Variants in CASK observed in about 807,000 individuals in gnomAD.
The protein encoded by CASK is peripheral plasma membrane protein CASK.
A neutral mutation model predicts 82.9 loss-of-function variants in CASK; 4 were observed. The observed-to-expected ratio is 0.05, with a 90% confidence interval of 0.02 to 0.11. The LOEUF (loss-of-function observed/expected upper bound fraction) is 0.11. Ranked by LOEUF, CASK falls within the 10% of genes least tolerant of loss-of-function variation. The probability of loss-of-function intolerance (pLI) is 1.00; values close to 1 mark genes in which losing one functional copy is unlikely to be tolerated. For synonymous variants in CASK, 259 were observed against 253.5 expected (o/e 1.02, Z -0.20); for missense variants, 358 against 720.9 (o/e 0.50, Z 5.76).
chrX:41,818,307 G>A (rs1050780030), intron 2 of CASK, among the ~76,000 whole-genome samples: 3 of 110,276 alleles, frequency 2.7e-5, no homozygotes, highest in Non-Finnish European at 3.8e-5. Context: ...ATTTCAAGAC[G>A]TATAAAACTA....
chrX:41,523,555 C>T (rs2064667499), intron 26 of CASK, among the ~76,000 whole-genome samples: 1 of 112,889 alleles, frequency 8.9e-6, no homozygotes, highest in Admixed American at 9.3e-5. Flanking sequence ...AGCCAAGTCT[C>T]ATGAGCACCA....
At chrX:41,744,374 C>T (rs1274380124) in intron 4 of CASK, among the ~76,000 whole-genome samples, 1 of 103,018 alleles carries the variant, frequency 9.7e-6, no homozygotes, top group African/African-American at 3.6e-5. Flanking sequence ...GAGACGGAGT[C>T]TCGCTCTGTC....
chrX:41,702,861 A>G (rs191038155), intron 5 of CASK, among the ~76,000 whole-genome samples: 1 of 112,514 alleles, frequency 8.9e-6, no homozygotes, highest in East Asian at 2.8e-4. Flanking sequence ...ACACATTTAT[A>G]TACTCTGGAA....
intron 11 of CASK, among the ~76,000 whole-genome samples, chrX:41,620,178 G>C (rs2066266069): frequency 8.9e-6 from 1 of 111,797 alleles, no homozygotes; most frequent in African/African-American, 3.2e-5. Context: ...AAAGATAAAA[G>C]CAGGGACATT....
intron 21 of CASK, among the ~76,000 whole-genome samples, chrX:41,543,378 C>G (rs764442204): frequency 1.8e-5 from 2 of 111,400 alleles, no homozygotes; most frequent in South Asian, 7.6e-4. Context: ...ACTTTTGGAG[C>G]CTTTTGGATG....
chrX:41,763,112 A>AT (rs1190677005), intron 3 of CASK, among the ~76,000 whole-genome samples: 2 of 110,855 alleles, frequency 1.8e-5, no homozygotes, highest in African/African-American at 3.3e-5. Context: ...ATTCATGTTT[A>AT]TTTTTTTTCT....
chrX:41,680,060 C>T lies in CASK; in HGVS notation c.430-8530G>A, dbSNP rs372225274. ...ACTAAAAATACAAAAATTAGCTGGG[C>T]GTGGCGGCACATGCCTGTAATTCCA... On this transcript the variant is annotated intron_variant, in intron 5 of 26. Coordinates refer to ENST00000378163, the MANE Select transcript of CASK (RefSeq NM_001367721.1). Among the ~76,000 whole-genome samples, 5 of 110,548 alleles carry T rather than the reference C, an allele frequency of 4.5e-5. No individual in the cohort carries two copies. In the East Asian group the frequency reaches 1.4e-3, roughly 31 times the overall value.
At chrX:41,905,107 G>A (rs951370208) in intron 1 of CASK, among the ~76,000 whole-genome samples, 2 of 111,945 alleles carry the variant, frequency 1.8e-5, no homozygotes, top group Non-Finnish European at 3.8e-5. Context: ...TCCATTGTGT[G>A]CAACTACCAC....
chrX:41,648,849 C>A (rs1203015809), intron 8 of CASK, among the ~76,000 whole-genome samples: 2 of 111,445 alleles, frequency 1.8e-5, no homozygotes, highest in African/African-American at 6.5e-5. Context: ...CCTCCTTGTA[C>A]CTCTGGTAGA....
chrX:41,783,923 C>T (rs771983901), intron 3 of CASK, among the ~76,000 whole-genome samples: 36 of 111,871 alleles, frequency 3.2e-4, no homozygotes, highest in Non-Finnish European at 6.6e-4. Context: ...AATAATGAAA[C>T]GAATACATTC....
rs1303813983 is a variant in CASK, at chrX:41,798,875, T to C, written c.173-11592A>G. On this transcript the variant is annotated intron_variant, in intron 2 of 26. Transcript: ENST00000378163. ...GAACTAACAAGCTGCAAAGCAAAGA[T>C]TGGAACCCAGGTAGAACCAATAAGC... is the stretch of plus-strand genomic sequence containing the variant. 1.6e-4 allele frequency among the ~76,000 whole-genome samples: 18 copies of C among 111,776 alleles called. No individual in the cohort carries two copies. In the Admixed American group the frequency reaches 1.7e-3, roughly 11 times the overall value.
chrX:41,711,139 A>T (rs1255517001), intron 5 of CASK, among the ~76,000 whole-genome samples: 1 of 111,887 alleles, frequency 8.9e-6, no homozygotes, highest in Non-Finnish European at 1.9e-5. Flanking sequence ...GGGGCTAGCC[A>T]TTGGCATCTA....
At chrX:41,921,812 G>A (rs2072785359) in intron 1 of CASK, among the ~76,000 whole-genome samples, 1 of 98,689 alleles carries the variant, frequency 1.0e-5, no homozygotes, top group Non-Finnish European at 2.0e-5. Context: ...ACTGCTTTAA[G>A]GTCTTGGTTT....
intron 1 of CASK, among the ~76,000 whole-genome samples, chrX:41,878,166 TAAAA>T (rs758826227): frequency 1.0e-5 from 1 of 97,727 alleles, no homozygotes; most frequent in African/African-American, 3.7e-5. Context: ...AAAATATTCT[TAAAA>T]AAAAAAAAAC....
At chrX:41,767,594 A>G (rs188494436) in intron 3 of CASK, among the ~76,000 whole-genome samples, 1 of 112,007 alleles carries the variant, frequency 8.9e-6, no homozygotes, top group African/African-American at 3.2e-5. Flanking sequence ...TTTAGTCGTC[A>G]AGATTCCTTA....
At chrX:41,922,294 CCATCCCAACAA>C (rs1365728356) in intron 1 of CASK, among the ~76,000 whole-genome samples, 1 of 111,529 alleles carries the variant, frequency 9.0e-6, no homozygotes, top group Admixed American at 9.5e-5. Flanking sequence ...ACGCTAACCA[CCATCCCAACAA>C]CAGTCGAGGG....
intron 14 of CASK, chrX:41,585,104 A>G (rs998709097): frequency 8.9e-6 from 1 of 112,442 alleles, no homozygotes; most frequent in African/African-American, 3.2e-5. Flanking sequence ...AGGTGAATAC[A>G]AACAAGTGGA....
intron 11 of CASK, among the ~76,000 whole-genome samples, chrX:41,618,951 C>T (rs558115254): frequency 5.6e-5 from 6 of 107,512 alleles, no homozygotes; most frequent in South Asian, 8.4e-4. Context: ...CTCAGCCTCC[C>T]GAGTAGCTGG....
chrX:41,671,344 T>C (rs1173495365), intron 6 of CASK, 84 bp downstream of exon 6: 2 of 579,680 alleles, frequency 3.5e-6, no homozygotes, highest in Non-Finnish European at 6.1e-6. Context: ...ACACTGAGGT[T>C]GGGCTAATAT....
Sources: allele counts gnomAD v4.1 joint callset (sites outside exome capture counted in the v4.1 genomes callset), GRCh38; gene constraint gnomAD v4.1.1; transcripts MANE v1.5; gene names NCBI Gene and HGNC (gene_info 2026-07-23, HGNC 2026-07-21).